FBN2: variants seen among roughly 807,000 people sequenced by gnomAD.
The protein encoded by FBN2 is fibrillin 2, also known as fibrillin-2.
Under a neutral mutation model 355.6 loss-of-function variants are expected in FBN2, and 105 were observed. The ratio of observed to expected loss-of-function variants is 0.30; its 90% CI spans 0.25 to 0.35. The LOEUF (loss-of-function observed/expected upper bound fraction) is 0.35. Among genes scored for constraint, FBN2 ranks in the 10% least tolerant of loss-of-function variants. FBN2 has a pLI of 1.00. For synonymous variants in FBN2, 1,350 were observed against 1,301.2 expected, an observed-to-expected ratio of 1.04 and a Z score of -0.81; for missense variants, 3,280 against 3,758.7, an observed-to-expected ratio of 0.87 and a Z score of 3.33.
intron 64 of FBN2, 30 bp downstream of exon 64, chr5:128,261,706 T>C (rs1408141736): frequency 1.2e-6 from 2 of 1,611,958 alleles, no homozygotes; most frequent in Non-Finnish European, 1.7e-6. Context: ...GGATAAAATT[T>C]TGTGGCAACA....
chr5:128,504,197 G>A (rs1021523147), intron 5 of FBN2, among the ~76,000 whole-genome samples: 8 of 152,190 alleles, frequency 5.3e-5, no homozygotes, highest in Admixed American at 1.3e-4. Flanking sequence ...CCAGGCAGAG[G>A]TGTGCTGCAC....
At chr5:128,349,205 C>G in intron 23 of FBN2, 142 bp downstream of exon 23, 1 of 939,346 alleles carries the variant, frequency 1.1e-6, no homozygotes, top group Middle Eastern at 3.1e-4. Flanking sequence ...TTAAAACAGC[C>G]TCTAGTGATT....
chr5:128,294,298 A>G (rs1399200359), intron 48 of FBN2, among the ~76,000 whole-genome samples: 3 of 151,896 alleles, frequency 2.0e-5, no homozygotes, highest in African/African-American at 7.2e-5. Context: ...CAATAAACAT[A>G]CGTGTGCATG....
intron 46 of FBN2, 50 bp downstream of exon 46, chr5:128,302,923 A>G (rs1749759556): frequency 9.6e-7 from 1 of 1,043,140 alleles, no homozygotes; most frequent in Non-Finnish European, 1.5e-6. Context: ...ATTTCAGCAC[A>G]TTGTGTGGAA....
chr5:128,413,604 ACAC>A (rs1753123419), intron 7 of FBN2, among the ~76,000 whole-genome samples: 1 of 152,170 alleles, frequency 6.6e-6, no homozygotes, highest in African/African-American at 2.4e-5. Context: ...TGTAAATCTT[ACAC>A]TAAACGGAAT....
At chr5:128,501,612 T>C (rs1387006192) in intron 5 of FBN2, among the ~76,000 whole-genome samples, 4 of 152,166 alleles carry the variant, frequency 2.6e-5, no homozygotes, top group African/African-American at 9.7e-5. Flanking sequence ...CATGATTTCT[T>C]TGTATTACAA....
chr5:128,405,734 A>G (rs1373267887), intron 8 of FBN2, among the ~76,000 whole-genome samples: 1 of 152,188 alleles, frequency 6.6e-6, no homozygotes, highest in African/African-American at 2.4e-5. Context: ...ATTTCTCTCT[A>G]TTCTCAAGCC....
rs759919678 is a variant in FBN2, at chr5:128,273,983, A to G, written c.7712-15T>C. 2 of 1,613,922 alleles carry G rather than the reference A, an allele frequency of 1.2e-6. No homozygotes were observed. Among genetic ancestry groups the G allele is most frequent in the East Asian group, 2.2e-5 (1 of 44,856 alleles). On this transcript the variant is annotated splice_polypyrimidine_tract_variant and intron_variant, in intron 60 of 64. Transcript: ENST00000262464. The stretch of plus-strand genomic sequence containing the variant: ...TTCGTTGTTGTCTGGCAAAGCATCA[A>G]GAAGCAGAGCGTCAAACTTTCCAAT...
chr5:128,328,586 G>A (rs184558146), intron 34 of FBN2, 110 bp downstream of exon 34: 6 of 1,101,808 alleles, frequency 5.4e-6, no homozygotes, highest in African/African-American at 1.5e-5. Flanking sequence ...TTATAGTGCA[G>A]CATGTGCTAT....
At position 128,322,983 on chromosome 5, in the gene FBN2, T is replaced by C. The variant is rs187374213; in HGVS notation, c.4472-3982A>G. 2.6e-3 allele frequency among the ~76,000 whole-genome samples: 403 copies of C among 152,322 alleles called. 5 individuals carry two copies. Among genetic ancestry groups the C allele is most frequent in the South Asian group, 0.026 (124 of 4,822 alleles). ...TAGTGGTTCTCCTTTAAGAGGCCCT[T>C]CACATCCCTTGTAAGTTGTATTCCT... On this transcript the variant is annotated intron_variant, in intron 34 of 64. Transcript: ENST00000262464.
At chr5:128,340,079 TTATAAC>T (rs1424330650) in intron 25 of FBN2, among the ~76,000 whole-genome samples, 7 of 152,182 alleles carry the variant, frequency 4.6e-5, no homozygotes, top group Admixed American at 3.3e-4. Context: ...TCTCCTATGC[TTATAAC>T]TAAGATTTTT....
intron 5 of FBN2, among the ~76,000 whole-genome samples, chr5:128,476,305 T>A (rs190458517): frequency 6.6e-6 from 1 of 152,086 alleles, no homozygotes; most frequent in Non-Finnish European, 1.5e-5. Context: ...ACAATAAATA[T>A]GAATAAGCTT....
chr5:128,521,021 T>C (rs114523185), intron 4 of FBN2, among the ~76,000 whole-genome samples: 302 of 152,250 alleles, frequency 2.0e-3, no homozygotes, highest in African/African-American at 6.9e-3. Flanking sequence ...TGTGCAGTAA[T>C]TCCATAGAAA....
At chr5:128,345,045 T>G (rs1413112036) in intron 24 of FBN2, among the ~76,000 whole-genome samples, 1 of 152,228 alleles carries the variant, frequency 6.6e-6, no homozygotes, top group East Asian at 1.9e-4. Context: ...CCTTTATTTC[T>G]CACTACTTGT....
At chr5:128,464,318 T>C (rs887533809) in intron 6 of FBN2, among the ~76,000 whole-genome samples, 1 of 152,194 alleles carries the variant, frequency 6.6e-6, no homozygotes, top group Non-Finnish European at 1.5e-5. Flanking sequence ...ATTAGGTGGC[T>C]TTCTTCTCCT....
chr5:128,526,791 T>A (rs1756573404), intron 4 of FBN2, among the ~76,000 whole-genome samples: 1 of 152,094 alleles, frequency 6.6e-6, no homozygotes, highest in Non-Finnish European at 1.5e-5. Context: ...TGAAAAGAAT[T>A]CTGGAGATGG....
At position 128,309,329 on chromosome 5, in the gene FBN2, C is replaced by T. The variant is rs377646791; in HGVS notation, c.5271G>A (p.Val1757=). 3.7e-6 allele frequency: 6 copies of T among 1,613,924 alleles called. No homozygotes were observed. The African/African-American group carries it at 6.7e-5, about 18-fold the overall frequency. The part of the protein sequence containing the change: ...TTCENELPFN[V]TKRMCCCTYN... ...ATGTGCAGCAGCACATCCTTTTTGT[C>T]ACATTGAAAGGCAACTCATTCTCAC... Residue 1757 remains valine, a synonymous_variant, in exon 41 of 65, where the codon GTG becomes GTA. Coordinates refer to ENST00000262464, the MANE Select transcript of FBN2 (RefSeq NM_001999.4).
At chr5:128,404,772 C>T (rs191848491) in intron 8 of FBN2, among the ~76,000 whole-genome samples, 2 of 152,118 alleles carry the variant, frequency 1.3e-5, no homozygotes, top group East Asian at 1.9e-4. Flanking sequence ...ATGCAGTAAA[C>T]CCTAAAATGA....
At chr5:128,302,446 C>T (rs759136883) in intron 46 of FBN2, among the ~76,000 whole-genome samples, 4 of 152,132 alleles carry the variant, frequency 2.6e-5, no homozygotes, top group Non-Finnish European at 4.4e-5. Flanking sequence ...TCCTGTATGG[C>T]GCATAGGAGA....
Sources: gnomAD v4.1 joint callset for allele counts (sites outside exome capture counted in the v4.1 genomes callset) on GRCh38, gnomAD v4.1.1 for gene constraint, MANE v1.5 for transcripts, NCBI Gene and HGNC (gene_info 2026-07-23, HGNC 2026-07-21) for gene names.